Variants in DNAH3 observed in about 807,000 individuals in gnomAD.
DNAH3 encodes the protein axonemal beta dynein heavy chain 3.
A neutral mutation model predicts 432.5 loss-of-function variants in DNAH3; 332 were observed. That is an observed-to-expected ratio of 0.77 (90% CI 0.70 to 0.84). The LOEUF is 0.84. Ranked by LOEUF, DNAH3 falls within the 40% of genes least tolerant of loss-of-function variation. DNAH3 has a pLI of 0.00. For missense variants in DNAH3, 4,861 were observed against 5,114.0 expected (o/e 0.95, Z 1.51); for synonymous variants, 1,956 against 1,900.2 (o/e 1.03, Z -0.76).
intron 48 of DNAH3, among the ~76,000 whole-genome samples, chr16:20,984,640 C>A (rs1597053541): frequency 6.6e-6 from 1 of 152,048 alleles, no homozygotes; most frequent in African/African-American, 2.4e-5. Context: ...GAGGCCGAGG[C>A]GGGCAGATCA....
At chr16:21,159,361 C>T in exon 1 of DNAH3, 1 of 1,614,154 alleles carries the variant, frequency 6.2e-7, no homozygotes, top group Non-Finnish European at 8.5e-7. Flanking sequence ...CTTGGGTCTC[C>T]CTGGCTTTTG....
At chr16:20,987,412 C>A (rs758340155) in exon 47 of DNAH3, 17 of 1,614,012 alleles carry the variant, frequency 1.1e-5, no homozygotes, top group Non-Finnish European at 1.4e-5. Context: ...ACCCGATAAA[C>A]CTCATGGATC....
At chr16:21,113,792 A>G (rs2092126193) in intron 12 of DNAH3, among the ~76,000 whole-genome samples, 1 of 152,186 alleles carries the variant, frequency 6.6e-6, no homozygotes. Context: ...AATGATCATT[A>G]ACACCTCATA....
At chr16:21,155,795 A>G (rs1487601085) in intron 1 of DNAH3, among the ~76,000 whole-genome samples, 2 of 152,018 alleles carry the variant, frequency 1.3e-5, no homozygotes. Flanking sequence ...GAGGTCAGCA[A>G]GGTTCCAAGT....
chr16:21,049,865 G>A (rs770378392), intron 30 of DNAH3, 45 bp downstream of exon 30: 14 of 1,522,654 alleles, frequency 9.2e-6, no homozygotes, highest in Non-Finnish European at 1.3e-5. Context: ...GAGGGGTGCA[G>A]AGAGGGCCTG....
chr16:20,961,341 G>C (rs2084807489), intron 53 of DNAH3, among the ~76,000 whole-genome samples: 1 of 152,078 alleles, frequency 6.6e-6, no homozygotes, highest in African/African-American at 2.4e-5. Flanking sequence ...ACCAGGGCCT[G>C]TCGTGGGGTG....
chr16:20,944,899 T>C (rs2083976950), intron 57 of DNAH3, among the ~76,000 whole-genome samples: 3 of 152,048 alleles, frequency 2.0e-5, no homozygotes, highest in Non-Finnish European at 1.5e-5. Flanking sequence ...CACCCTGGCT[T>C]CCTCTCTGCT....
intron 1 of DNAH3, among the ~76,000 whole-genome samples, chr16:21,148,418 T>TA (rs1193518482): frequency 6.6e-6 from 1 of 150,756 alleles, no homozygotes; most frequent in African/African-American, 2.5e-5. Flanking sequence ...GTCAGTGACT[T>TA]ATTTATTATT....
chr16:21,004,107 A>G (rs1398172883), intron 41 of DNAH3, among the ~76,000 whole-genome samples: 1 of 152,200 alleles, frequency 6.6e-6, no homozygotes, highest in African/African-American at 2.4e-5. Context: ...TGGGTCCTAA[A>G]AGGTATTTCA....
intron 41 of DNAH3, chr16:21,019,112 T>TA (rs1457205284): frequency 6.7e-6 from 1 of 148,166 alleles, no homozygotes; most frequent in African/African-American, 2.5e-5. Context: ...AAGTATCCCA[T>TA]AAAACCTTGA....
intron 57 of DNAH3, among the ~76,000 whole-genome samples, chr16:20,947,758 TA>T (rs1186246359): frequency 2.0e-5 from 3 of 151,366 alleles, no homozygotes; most frequent in African/African-American, 7.4e-5. Flanking sequence ...AGGTCATCAA[TA>T]AAAGTAAGTG....
At chr16:20,982,661 G>C in intron 49 of DNAH3, 60 bp downstream of exon 49, 3 of 1,409,078 alleles carry the variant, frequency 2.1e-6, no homozygotes, top group Non-Finnish European at 2.9e-6. Flanking sequence ...CAAAAATAGA[G>C]CCAGCGTCTG....
intron 1 of DNAH3, among the ~76,000 whole-genome samples, chr16:21,151,839 T>G (rs536348916): frequency 1.3e-5 from 2 of 152,316 alleles, no homozygotes; most frequent in South Asian, 4.1e-4. Context: ...CAAGTTAGAC[T>G]TAATGAGTTT....
At chr16:21,128,909 T>C (rs1318443275) in intron 7 of DNAH3, among the ~76,000 whole-genome samples, 1 of 151,682 alleles carries the variant, frequency 6.6e-6, no homozygotes, top group Non-Finnish European at 1.5e-5. Context: ...AAAAGCCTCT[T>C]TAAGCCCTCT....
At position 20,949,049 on chromosome 16, in the gene DNAH3, C is replaced by T. The variant is rs1596907348; in HGVS notation, c.11189-412G>A. On this transcript the variant is annotated intron_variant, in intron 56 of 61. Transcript: ENST00000261383. ...TCCCTTTCCCGCTGAGAGCCACTTT[C>T]TTCGGCAATAAAATCCCCCACATTT... Among the ~76,000 whole-genome samples the T allele has an allele frequency of 2.0e-5, 3 of 152,184 alleles. No individual in the cohort carries two copies. In the South Asian group the frequency reaches 6.2e-4, roughly 32 times the overall value.
At chr16:20,972,239 T>TC (rs896935761) in intron 51 of DNAH3, among the ~76,000 whole-genome samples, 13 of 115,264 alleles carry the variant, frequency 1.1e-4, no homozygotes, top group African/African-American at 3.5e-4. Flanking sequence ...TTTTTCTCTC[T>TC]TTTTTTTTTT....
intron 19 of DNAH3, 56 bp downstream of exon 19, chr16:21,086,793 A>G: frequency 1.4e-6 from 2 of 1,481,030 alleles, no homozygotes; most frequent in South Asian, 2.3e-5. Context: ...TCCCAAGGAC[A>G]GTCAGGGCCA....
chr16:21,045,934 C>T (rs2089675605), intron 31 of DNAH3, among the ~76,000 whole-genome samples: 1 of 146,946 alleles, frequency 6.8e-6, no homozygotes, highest in African/African-American at 2.5e-5. Flanking sequence ...CGTTATGTAC[C>T]CAGTAGTCAT....
At chr16:21,121,955 C>G (rs1337226384) in exon 10 of DNAH3, 4 of 1,610,488 alleles carry the variant, frequency 2.5e-6, no homozygotes, top group Non-Finnish European at 3.4e-6. Context: ...CTTGGGGATC[C>G]CATTAGAGTT....
Sources: allele counts gnomAD v4.1 joint callset (sites outside exome capture counted in the v4.1 genomes callset), GRCh38; gene constraint gnomAD v4.1.1; transcripts MANE v1.5; gene names NCBI Gene and HGNC (gene_info 2026-07-23, HGNC 2026-07-21).